Variants in FANCA observed in about 807,000 individuals in gnomAD.
FANCA encodes the protein Fanconi anemia group A protein.
Under a neutral mutation model 194.3 loss-of-function variants are expected in FANCA, and 236 were observed. The observed-to-expected ratio is 1.21, with a 90% CI of 1.09 to 1.35. The LOEUF (loss-of-function observed/expected upper bound fraction) is 1.35, where lower values mean the gene tolerates loss of function less well. Ranked by LOEUF, FANCA falls within the 40% of genes most tolerant of loss-of-function variation. The pLI is 0.00. For synonymous variants in FANCA, 1,014 were observed against 715.8 expected (o/e 1.42, Z -6.65); for missense variants, 2,628 against 1,813.9 (o/e 1.45, Z -8.15).
At position 89,746,619 on chromosome 16, in the gene FANCA, G is replaced by A. The variant is rs1164540064; in HGVS notation, c.3478C>T (p.Gln1160Ter). ...LMVDFILAKC[Q>*]TKCPLILTSA... ...GTCAAAATTAAGGGGCATTTCGTCT[G>A]GCACTTGGCCAGTATGAAGTCGACC... Residue 1160 changes from glutamine (Q) to a stop codon, truncating the protein, a stop_gained, in exon 35 of 43, where the codon CAG becomes TAG. Transcript: ENST00000389301. LOFTEE classifies it high-confidence loss of function. 6.2e-7 allele frequency: 1 copy of A among 1,614,198 alleles called. No homozygotes were observed. The highest frequency in any genetic ancestry group is 1.1e-5 in the South Asian group (1 of 91,074).
intron 11 of FANCA, among the ~76,000 whole-genome samples, chr16:89,794,170 A>G (rs1204019286): frequency 6.6e-6 from 1 of 152,188 alleles, no homozygotes; most frequent in African/African-American, 2.4e-5. Context: ...TCTGTTTCTC[A>G]GGCCCGGTTA....
chr16:89,781,877 T>A (rs896038662), intron 17 of FANCA, among the ~76,000 whole-genome samples: 17 of 131,530 alleles, frequency 1.3e-4, no homozygotes, highest in Non-Finnish European at 3.2e-5. Context: ...GGCAGGCATC[T>A]GTAGGCCCAC....
At chr16:89,782,360 A>C (rs983484214) in intron 17 of FANCA, among the ~76,000 whole-genome samples, 1 of 151,762 alleles carries the variant, frequency 6.6e-6, no homozygotes, top group South Asian at 2.1e-4. Flanking sequence ...AAATACAAAA[A>C]AATTAGCCAG....
Position 89,784,937 on chromosome 16 carries a change from G to A in FANCA, c.1387C>T (p.His463Tyr). The A allele has an allele frequency of 6.2e-7, 1 of 1,614,118 alleles. No homozygotes were observed. The highest frequency in any genetic ancestry group is 8.5e-7 in the Non-Finnish European group (1 of 1,179,988). Residue 463 changes from histidine (H) to tyrosine (Y), a missense_variant, in exon 15 of 43, where the codon CAT becomes TAT. His to Tyr is a moderately conservative substitution (Grantham distance 83). Transcript: ENST00000389301. ...ACCAGGGCCTTCTTGCTGCAGCCAT[G>A]GTAGCCTCGTGTGCTCCCAAAGGAG... ...KASFGSTRGY[H>Y]GCSKKALVFL...
chr16:89,740,270 G>A (rs1363708776), intron 38 of FANCA, 171 bp from the exon 39 acceptor site: 1 of 659,254 alleles, frequency 1.5e-6, no homozygotes, highest in African/African-American at 1.8e-5. Context: ...GACAGAAGAG[G>A]CTCAGGTAGG....
intron 30 of FANCA, among the ~76,000 whole-genome samples, chr16:89,755,889 C>G (rs570016641): frequency 1.3e-5 from 2 of 150,932 alleles, no homozygotes; most frequent in South Asian, 4.2e-4. Context: ...CGGAGCCGCC[C>G]GCACACCTAG....
rs11649501 is a variant in FANCA at position 89,784,549 on chromosome 16, A to T, written c.1470+305T>A. 0.059 allele frequency among the ~76,000 whole-genome samples: 9,003 copies of T among 152,042 alleles called. 409 individuals are homozygous for T. Among genetic ancestry groups the T allele is most frequent in the East Asian group, 0.22 (1,130 of 5,170 alleles). ...CCACTCAGACCTGCTCACTGTTTTGAGGGAGACTGAACAGTGACATAATAT... is the reference window on the plus strand; with the variant it reads ...CCACTCAGACCTGCTCACTGTTTTGTGGGAGACTGAACAGTGACATAATAT... On this transcript the variant is annotated intron_variant, in intron 15 of 42. Coordinates refer to ENST00000389301, the MANE Select transcript of FANCA (RefSeq NM_000135.4).
intron 21 of FANCA, among the ~76,000 whole-genome samples, chr16:89,774,234 A>G (rs2039418209): frequency 6.6e-6 from 1 of 152,226 alleles, no homozygotes; most frequent in South Asian, 2.1e-4. Context: ...CATAGGCTCT[A>G]GGAGTCTGTG....
intron 10 of FANCA, among the ~76,000 whole-genome samples, chr16:89,798,054 A>G (rs1420567071): frequency 6.6e-6 from 1 of 152,166 alleles, no homozygotes; most frequent in Non-Finnish European, 1.5e-5. Context: ...GTATCCCCAC[A>G]AAGTTCCTCT....
At chr16:89,785,447 G>C (rs1222570075) in intron 14 of FANCA, among the ~76,000 whole-genome samples, 2 of 152,166 alleles carry the variant, frequency 1.3e-5, no homozygotes, top group Admixed American at 6.6e-5. Flanking sequence ...CCAGTGGACA[G>C]ATCACTGCAA....
At chr16:89,789,030 C>T (rs1201036765) in intron 14 of FANCA, among the ~76,000 whole-genome samples, 3 of 151,892 alleles carry the variant, frequency 2.0e-5, no homozygotes, top group Non-Finnish European at 2.9e-5. Flanking sequence ...AGCCGCGGCT[C>T]GGGGAGACCC....
In FANCA at chr16:89,782,919, C is replaced by A. The variant is rs1464032361; in HGVS notation, c.1567-1G>T. ...AGAGTCCCATGTTTTCTATAGAAAC[C>A]TTCAGGGAAGACACAGAATGAGAAC... On this transcript the variant is annotated splice_acceptor_variant, in intron 16 of 42. Coordinates refer to ENST00000389301, the MANE Select transcript of FANCA (RefSeq NM_000135.4). LOFTEE classifies it high-confidence loss of function. The A allele has an allele frequency of 6.2e-7, 1 of 1,614,040 alleles. No homozygotes were observed. Among genetic ancestry groups the A allele is most frequent in the Non-Finnish European group, 8.5e-7 (1 of 1,179,920 alleles).
intron 37 of FANCA, among the ~76,000 whole-genome samples, chr16:89,741,377 C>T (rs11640198): frequency 0.22 from 34,192 of 152,212 alleles, 4,034 homozygotes; most frequent in Middle Eastern, 0.33. Context: ...AGAACCCCTG[C>T]AGGGTGGTTA....
At chr16:89,812,584 T>G (rs936661156) in intron 3 of FANCA, among the ~76,000 whole-genome samples, 5 of 141,118 alleles carry the variant, frequency 3.5e-5, no homozygotes, top group African/African-American at 1.3e-4. Flanking sequence ...AGGCAGAGGT[T>G]GCGGTGAGTC....
intron 7 of FANCA, among the ~76,000 whole-genome samples, chr16:89,804,131 C>G (rs2040552252): frequency 6.6e-6 from 1 of 152,128 alleles, no homozygotes; most frequent in African/African-American, 2.4e-5. Context: ...TAAATTTAAC[C>G]TATCTGGTAC....
intron 14 of FANCA, among the ~76,000 whole-genome samples, chr16:89,789,350 C>G (rs926820644): frequency 6.6e-6 from 1 of 151,586 alleles, no homozygotes; most frequent in African/African-American, 2.4e-5. Context: ...ATGCAGGCAC[C>G]GCAGCCCTTG....
chr16:89,748,617 G>T (rs569058983), intron 33 of FANCA, 42 bp downstream of exon 33: 1 of 1,462,816 alleles, frequency 6.8e-7, no homozygotes, highest in South Asian at 1.1e-5. Context: ...AGCGCCACAG[G>T]CACTGACAGA....
chr16:89,750,329 A>G (rs963628337), intron 31 of FANCA, among the ~76,000 whole-genome samples: 1 of 152,002 alleles, frequency 6.6e-6, no homozygotes, highest in African/African-American at 2.4e-5. Context: ...AAAAATACAA[A>G]AAAATTAGCT....
chr16:89,737,697 C>T lies in FANCA; in HGVS notation c.*904G>A. ...TTGCTTGGGCCCACTGCATGGTGAACCATGTGCAGAAATGTCTTCCCAGCT... is the reference window on the plus strand; with the variant it reads ...TTGCTTGGGCCCACTGCATGGTGAATCATGTGCAGAAATGTCTTCCCAGCT... On this transcript the variant is annotated 3_prime_UTR_variant, in exon 43 of 43. Coordinates refer to ENST00000389301, the MANE Select transcript of FANCA (RefSeq NM_000135.4). 2 of 1,574,862 alleles carry T rather than the reference C, an allele frequency of 1.3e-6. No individual in the cohort carries two copies. The highest frequency in any genetic ancestry group is 1.3e-5 in the African/African-American group (1 of 74,312).
Sources: allele counts gnomAD v4.1 joint callset (sites outside exome capture counted in the v4.1 genomes callset), GRCh38; gene constraint gnomAD v4.1.1; transcripts MANE v1.5; gene names NCBI Gene and HGNC (gene_info 2026-07-23, HGNC 2026-07-21).